ATP13A5: variants seen among roughly 807,000 people sequenced by gnomAD.
ATP13A5 encodes ATPase 13A5.
A neutral mutation model predicts 150.2 loss-of-function variants in ATP13A5; 149 were observed. The ratio of observed to expected loss-of-function variants is 0.99; its 90% CI spans 0.87 to 1.14. ATP13A5 has a LOEUF of 1.14. ATP13A5 is among the 50% of genes most tolerant of loss of function. The probability of loss-of-function intolerance (pLI) is 0.00; values close to 1 mark genes in which losing one functional copy is unlikely to be tolerated. For missense variants in ATP13A5, 1,383 were observed against 1,449.3 expected (o/e 0.95, Z 0.74); for synonymous variants, 497 against 522.2 (o/e 0.95, Z 0.66).
At chr3:193,281,925 G>A (rs1717512929) in intron 27 of ATP13A5, among the ~76,000 whole-genome samples, 1 of 152,110 alleles carries the variant, frequency 6.6e-6, no homozygotes, top group African/African-American at 2.4e-5. Context: ...GCCAGGTGCA[G>A]TGGTTCACCC....
At chr3:193,291,820 T>C (rs1434722217) in intron 25 of ATP13A5, among the ~76,000 whole-genome samples, 1 of 152,030 alleles carries the variant, frequency 6.6e-6, no homozygotes, top group Admixed American at 6.6e-5. Context: ...AATGGAAGTG[T>C]CTCTCTTGTT....
At chr3:193,281,149 C>G (rs141493831) in intron 27 of ATP13A5, 5 of 983,322 alleles carry the variant, frequency 5.1e-6, no homozygotes, top group Non-Finnish European at 6.0e-6. Context: ...CTTGGTGATA[C>G]GATTTCAGGA....
intron 26 of ATP13A5, 128 bp from the exon 27 acceptor site, chr3:193,285,244 G>C (rs954918498): frequency 1.4e-6 from 1 of 718,192 alleles, no homozygotes; most frequent in Non-Finnish European, 2.3e-6. Context: ...TAACTACCAA[G>C]ACATACTTTG....
At chr3:193,288,093 A>C (rs921720449) in intron 26 of ATP13A5, among the ~76,000 whole-genome samples, 2 of 152,164 alleles carry the variant, frequency 1.3e-5, no homozygotes, top group Admixed American at 6.6e-5. Flanking sequence ...ATTTGAATGG[A>C]TGAAGAGTTG....
chr3:193,296,595 G>A (rs1163564007), intron 25 of ATP13A5, among the ~76,000 whole-genome samples: 1 of 152,004 alleles, frequency 6.6e-6, no homozygotes. Flanking sequence ...TTGCTTTGTA[G>A]TATAGTTTGA....
chr3:193,308,377 T>C (rs1159554065), intron 21 of ATP13A5, among the ~76,000 whole-genome samples: 1 of 152,142 alleles, frequency 6.6e-6, no homozygotes, highest in Non-Finnish European at 1.5e-5. Flanking sequence ...GGGGATTGCT[T>C]GAACCTTGGA....
chr3:193,359,232 A>C (rs1159076872), intron 5 of ATP13A5, among the ~76,000 whole-genome samples: 1 of 152,126 alleles, frequency 6.6e-6, no homozygotes, highest in African/African-American at 2.4e-5. Context: ...GTAAATGCTG[A>C]TCTGATGGCT....
At chr3:193,339,423 T>C (rs1247587469) in intron 9 of ATP13A5, among the ~76,000 whole-genome samples, 1 of 152,198 alleles carries the variant, frequency 6.6e-6, no homozygotes, top group East Asian at 1.9e-4. Flanking sequence ...CCAGAGATTC[T>C]GGTATATTGA....
rs547418284 is a variant in ATP13A5, at chr3:193,362,642, G to A, written c.385-5C>T. 35 of 1,613,938 alleles carry A rather than the reference G, an allele frequency of 2.2e-5. No individual in the cohort carries two copies. In the East Asian group the frequency reaches 2.9e-4, roughly 13 times the overall value. On this transcript the variant is annotated splice_polypyrimidine_tract_variant and splice_region_variant and intron_variant, in intron 3 of 29. Transcript: ENST00000342358. ...CTGCACTTCCATGCACCGCAGCTAC[G>A]ATTGCAAATGTGATAGAGCAGGTGT... is the stretch of plus-strand genomic sequence containing the variant.
chr3:193,374,514 G>A (rs538148730), intron 1 of ATP13A5, among the ~76,000 whole-genome samples: 18 of 152,118 alleles, frequency 1.2e-4, no homozygotes, highest in African/African-American at 3.6e-4. Context: ...CTGTTGTAGC[G>A]CATGCCTTTG....
intron 25 of ATP13A5, among the ~76,000 whole-genome samples, chr3:193,291,191 A>C (rs1016994688): frequency 7.2e-6 from 1 of 138,798 alleles, no homozygotes; most frequent in African/African-American, 2.5e-5. Flanking sequence ...ATGGTACCCA[A>C]AGGCCCTTTC....
At chr3:193,287,785 C>T (rs1430427844) in intron 26 of ATP13A5, among the ~76,000 whole-genome samples, 1 of 152,072 alleles carries the variant, frequency 6.6e-6, no homozygotes, top group Non-Finnish European at 1.5e-5. Flanking sequence ...CTTTTTAAGA[C>T]TATAGCTGCC....
At chr3:193,323,908 G>A (rs1470880108) in intron 14 of ATP13A5, 1 of 152,162 alleles carries the variant, frequency 6.6e-6, no homozygotes, top group Non-Finnish European at 1.5e-5. Flanking sequence ...CTGCTGTACT[G>A]TATTTTATAC....
chr3:193,376,577 G>A (rs1713652467), intron 1 of ATP13A5, among the ~76,000 whole-genome samples: 1 of 152,130 alleles, frequency 6.6e-6, no homozygotes, highest in Non-Finnish European at 1.5e-5. Flanking sequence ...TGCGCAGGAT[G>A]TGCAGGTTTG....
intron 26 of ATP13A5, 86 bp downstream of exon 26, chr3:193,289,799 G>T: frequency 2.3e-6 from 3 of 1,296,690 alleles, no homozygotes; most frequent in Non-Finnish European, 2.1e-6. Flanking sequence ...AAAAGTTTTA[G>T]GATATATGTT....
intron 1 of ATP13A5, among the ~76,000 whole-genome samples, chr3:193,368,939 C>G (rs764025591): frequency 4.6e-5 from 7 of 152,160 alleles, no homozygotes; most frequent in Non-Finnish European, 7.3e-5. Flanking sequence ...ATGTACTTGA[C>G]TTTGTTAAAA....
At chr3:193,311,695 G>T in intron 20 of ATP13A5, 121 bp downstream of exon 20, 2 of 1,377,060 alleles carry the variant, frequency 1.5e-6, no homozygotes, top group Non-Finnish European at 2.0e-6. Flanking sequence ...GTACTCCTTT[G>T]GGGGTGTTTA....
chr3:193,322,633 A>T (rs1287909127), intron 14 of ATP13A5, 59 bp from the exon 15 acceptor site: 2 of 1,212,494 alleles, frequency 1.6e-6, no homozygotes, highest in African/African-American at 3.0e-5. Flanking sequence ...AGAAAGAAAT[A>T]TCTCTTATTT....
At chr3:193,285,659 C>A (rs1327514747) in intron 26 of ATP13A5, among the ~76,000 whole-genome samples, 1 of 152,116 alleles carries the variant, frequency 6.6e-6, no homozygotes, top group Non-Finnish European at 1.5e-5. Context: ...TTCAGTCTTA[C>A]CTTTTGCCAC....
Sources: allele counts gnomAD v4.1 joint callset (sites outside exome capture counted in the v4.1 genomes callset), GRCh38; gene constraint gnomAD v4.1.1; transcripts MANE v1.5; gene names NCBI Gene and HGNC (gene_info 2026-07-23, HGNC 2026-07-21).